ENPP6: variants seen among roughly 807,000 people sequenced by gnomAD.
The protein encoded by ENPP6 is ectonucleotide pyrophosphatase/phosphodiesterase 6.
Under a neutral mutation model 42.0 loss-of-function variants are expected in ENPP6, and 32 were observed. The ratio of observed to expected loss-of-function variants is 0.76; its 90% CI spans 0.58 to 1.02. The LOEUF is 1.02. Ranked by LOEUF, ENPP6 falls within the 50% of genes least tolerant of loss-of-function variation. The pLI is 0.00. For synonymous variants in ENPP6, 213 were observed against 216.0 expected, an observed-to-expected ratio of 0.99 and a Z score of 0.12; for missense variants, 552 against 566.8, an observed-to-expected ratio of 0.97 and a Z score of 0.27.
intron 1 of ENPP6, among the ~76,000 whole-genome samples, chr4:184,156,678 T>C (rs1367785466): frequency 6.6e-6 from 1 of 152,210 alleles, no homozygotes; most frequent in African/African-American, 2.4e-5. Context: ...CTCCTCCAAA[T>C]GACTACTCTG....
intron 1 of ENPP6, among the ~76,000 whole-genome samples, chr4:184,189,712 G>T (rs1414070672): frequency 6.6e-6 from 1 of 152,178 alleles, no homozygotes; most frequent in Non-Finnish European, 1.5e-5. Context: ...CATTTTTAAA[G>T]AAAAGCAACT....
At position 184,089,514 on chromosome 4, in the gene ENPP6, T is replaced by TCA. The variant is rs1735748618; in HGVS notation, c.*1662_*1663insTG. ...GGTGGAGGATGGGGTCTTGCTCTGTTGCCCAGGCTGGAGTGCAGTGGTGTG... is the reference window on the plus strand; with the variant it reads ...GGTGGAGGATGGGGTCTTGCTCTGTTCAGCCCAGGCTGGAGTGCAGTGGTGTG... On this transcript the variant is annotated 3_prime_UTR_variant, in exon 8 of 8. Transcript: ENST00000296741. 6.6e-6 allele frequency: 1 copy of TCA among 152,622 alleles called. No individual in the cohort carries two copies. The highest frequency in any genetic ancestry group is 1.5e-5 in the Non-Finnish European group (1 of 68,340). 9.5% of individuals were successfully genotyped at this position (152,622 alleles called of 1,614,324 possible). A position where few individuals can be genotyped will look rare whatever the true frequency, so the allele number is the denominator to read the frequency against.
At chr4:184,217,409 A>T (rs1350041786) in intron 1 of ENPP6, among the ~76,000 whole-genome samples, 170 bp downstream of exon 1, 1 of 152,208 alleles carries the variant, frequency 6.6e-6, no homozygotes, top group Non-Finnish European at 1.5e-5. Flanking sequence ...TACCGCCACG[A>T]AAACAAAAGT....
chr4:184,136,374 A>C (rs1398251333), intron 2 of ENPP6, among the ~76,000 whole-genome samples: 1 of 152,096 alleles, frequency 6.6e-6, no homozygotes, highest in African/African-American at 2.4e-5. Context: ...AATCCAAAAA[A>C]GGGATTTTTA....
chr4:184,125,569 T>C (rs4862313), intron 2 of ENPP6, among the ~76,000 whole-genome samples: 102,943 of 151,918 alleles, frequency 0.68, 35,205 homozygotes, highest in African/African-American at 0.73. Context: ...TGCCAGCTGG[T>C]TACAGCTGAT....
At chr4:184,145,653 A>G (rs577851938) in intron 2 of ENPP6, among the ~76,000 whole-genome samples, 10 of 152,374 alleles carry the variant, frequency 6.6e-5, no homozygotes, top group Admixed American at 2.0e-4. Flanking sequence ...TGAACACATC[A>G]GTGAACGGCA....
intron 6 of ENPP6, among the ~76,000 whole-genome samples, chr4:184,102,288 G>A (rs571641721): frequency 6.6e-6 from 1 of 152,152 alleles, no homozygotes; most frequent in Non-Finnish European, 1.5e-5. Flanking sequence ...GCGAGGCTGC[G>A]CTGGGAGTGA....
chr4:184,117,927 G>T, intron 3 of ENPP6, 27 bp from the exon 4 acceptor site: 1 of 1,609,158 alleles, frequency 6.2e-7, no homozygotes, highest in Non-Finnish European at 8.5e-7. Context: ...GAGAGGCATA[G>T]GTGAGGGAGG....
In ENPP6 at chr4:184,178,675, C is replaced by G. The variant is rs186993469; in HGVS notation, c.242-24942G>C. On this transcript the variant is annotated intron_variant, in intron 1 of 7. Transcript: ENST00000296741. ...GAAGCCCATCAGATTAACAGCAGAC[C>G]TCTCAGCAGAAATCCTACAAGCCAG... Among the ~76,000 whole-genome samples the G allele has an allele frequency of 8.0e-3, 1,213 of 152,300 alleles. 8 individuals are homozygous for G. The highest frequency in any genetic ancestry group is 0.012 in the Non-Finnish European group (790 of 68,016).
At chr4:184,202,020 A>T (rs1286452596) in intron 1 of ENPP6, among the ~76,000 whole-genome samples, 1 of 152,120 alleles carries the variant, frequency 6.6e-6, no homozygotes, top group Non-Finnish European at 1.5e-5. Context: ...TAGGAAGTCC[A>T]TTTACTGGGG....
At chr4:184,119,908 C>T (rs1484133871) in intron 3 of ENPP6, among the ~76,000 whole-genome samples, 10 of 152,172 alleles carry the variant, frequency 6.6e-5, no homozygotes, top group Admixed American at 5.9e-4. Context: ...TGAGGCCTCC[C>T]CAGCCCTGTA....
chr4:184,091,758 A>G (rs1735806321), intron 7 of ENPP6, among the ~76,000 whole-genome samples: 1 of 152,050 alleles, frequency 6.6e-6, no homozygotes, highest in African/African-American at 2.4e-5. Flanking sequence ...AATTTTTTAA[A>G]CCAGGCATGG....
intron 7 of ENPP6, among the ~76,000 whole-genome samples, chr4:184,092,436 T>C (rs1249625316): frequency 2.0e-5 from 3 of 152,096 alleles, no homozygotes; most frequent in African/African-American, 2.4e-5. Context: ...CTGCCCAGAG[T>C]GGCCCCAAGC....
At chr4:184,186,949 G>A (rs73009725) in intron 1 of ENPP6, among the ~76,000 whole-genome samples, 6,355 of 152,204 alleles carry the variant, frequency 0.042, 459 homozygotes, top group African/African-American at 0.15. Context: ...CAAAGTCTGC[G>A]CCACGACCTA....
intron 1 of ENPP6, among the ~76,000 whole-genome samples, chr4:184,178,995 A>C (rs941372916): frequency 3.3e-5 from 5 of 152,244 alleles, no homozygotes; most frequent in Non-Finnish European, 7.3e-5. Flanking sequence ...AGCTAGCATC[A>C]TGATAACAGG....
At position 184,169,300 on chromosome 4, in the gene ENPP6, T is replaced by C. The variant is rs1737417737; in HGVS notation, c.242-15567A>G. ...CAGGATCCAGGCTGGGCGGGAGGAT[T>C]CTTCATGCTGGAGGAATCCATTCCT... On this transcript the variant is annotated intron_variant, in intron 1 of 7. Coordinates refer to ENST00000296741, the MANE Select transcript of ENPP6 (RefSeq NM_153343.4). Among the ~76,000 whole-genome samples, 5 of 151,196 alleles carry C rather than the reference T, an allele frequency of 3.3e-5. No individual in the cohort carries two copies. In the South Asian group the frequency reaches 1.0e-3, roughly 31 times the overall value.
At chr4:184,141,755 G>C (rs1736827317) in intron 2 of ENPP6, among the ~76,000 whole-genome samples, 1 of 151,926 alleles carries the variant, frequency 6.6e-6, no homozygotes, top group Non-Finnish European at 1.5e-5. Context: ...AAACCCATAG[G>C]CTTTTGTGCA....
chr4:184,153,533 A>T, intron 2 of ENPP6, 21 bp downstream of exon 2: 3 of 1,594,494 alleles, frequency 1.9e-6, no homozygotes, highest in Non-Finnish European at 2.6e-6. Context: ...TGAGATTTGG[A>T]ATGGATGTTC....
At chr4:184,107,066 C>A (rs748085743) in intron 6 of ENPP6, among the ~76,000 whole-genome samples, 10 of 152,154 alleles carry the variant, frequency 6.6e-5, no homozygotes, top group Non-Finnish European at 1.5e-4. Flanking sequence ...GACAACCCAA[C>A]CTGCCCCAGG....
Sources: allele counts gnomAD v4.1 joint callset (sites outside exome capture counted in the v4.1 genomes callset), GRCh38; gene constraint gnomAD v4.1.1; transcripts MANE v1.5; gene names NCBI Gene and HGNC (gene_info 2026-07-23, HGNC 2026-07-21).